HAPLN3: variants seen among roughly 807,000 people sequenced by gnomAD.
The protein encoded by HAPLN3 is hyaluronan and proteoglycan link protein 3, also known as extracellular link domain containing, 1.
In HAPLN3, 28 loss-of-function variants were observed where a neutral mutation model predicts 28.1. The observed-to-expected ratio is 1.00, with a 90% CI of 0.74 to 1.37. The LOEUF (loss-of-function observed/expected upper bound fraction) is 1.37, where lower values mean the gene tolerates loss of function less well. Among genes scored for constraint, HAPLN3 ranks in the 40% most tolerant of loss-of-function variants. The pLI, the probability that HAPLN3 is intolerant of heterozygous loss-of-function variation, is 0.00. For missense variants in HAPLN3, 513 were observed against 504.6 expected (o/e 1.02, Z -0.16); for synonymous variants, 211 against 213.1 (o/e 0.99, Z 0.09).
intron 2 of HAPLN3, among the ~76,000 whole-genome samples, chr15:88,882,578 G>A (rs1002170523): frequency 1.3e-5 from 2 of 152,170 alleles, no homozygotes; most frequent in Non-Finnish European, 2.9e-5. Context: ...AATACACACA[G>A]AACTCAACAT....
At chr15:88,882,437 C>T (rs771753002) in intron 2 of HAPLN3, among the ~76,000 whole-genome samples, 7 of 152,190 alleles carry the variant, frequency 4.6e-5, no homozygotes, top group Non-Finnish European at 1.0e-4. Context: ...CCACACTGGC[C>T]AGAGGACAGC....
chr15:88,885,439 C>T (rs1489234050), intron 2 of HAPLN3, among the ~76,000 whole-genome samples: 1 of 149,344 alleles, frequency 6.7e-6, no homozygotes, highest in Non-Finnish European at 1.5e-5. Context: ...CCACACCCGG[C>T]TAATTTTTTG....
intron 2 of HAPLN3, among the ~76,000 whole-genome samples, chr15:88,883,515 A>G (rs1312905768): frequency 1.3e-5 from 2 of 152,230 alleles, no homozygotes; most frequent in African/African-American, 4.8e-5. Flanking sequence ...TGTCCAATAA[A>G]TATGAAGCAG....
At position 88,879,442 on chromosome 15, in the gene HAPLN3, C is replaced by T. The variant is rs1447386688; in HGVS notation, c.494-173G>A. 3 of 1,534,380 alleles carry T rather than the reference C, an allele frequency of 2.0e-6. No homozygotes were observed. Among genetic ancestry groups the T allele is most frequent in the Non-Finnish European group, 2.6e-6 (3 of 1,146,542 alleles). On this transcript the variant is annotated intron_variant, in intron 3 of 4. Coordinates refer to ENST00000359595, the MANE Select transcript of HAPLN3 (RefSeq NM_178232.4). The surrounding 1 kb of genome is among the most constrained non-coding windows in gnomAD (Gnocchi z 5.0). The stretch of plus-strand genomic sequence containing the variant: ...CCTCCTGTCCGTTGCCGCCTCTCTC[C>T]TGGGACTCAGCTGGTTCACAGCAGT...
rs1181415451 is a variant in HAPLN3 at position 88,879,142 on chromosome 15, C to T, written c.621G>A (p.Glu207=). 1.2e-6 allele frequency: 2 copies of T among 1,613,658 alleles called. No individual in the cohort carries two copies. Among genetic ancestry groups the T allele is most frequent in the African/African-American group, 2.7e-5 (2 of 74,952 alleles). Residue 207 remains glutamate, a synonymous_variant, in exon 4 of 5, where the codon GAG becomes GAA. Transcript: ENST00000359595. This position sits in a 1 kb window ranked among gnomAD's most constrained non-coding sequence, Gnocchi z 5.0. ...AGCCCGCGTTGCACCAGTCCAGGCC[C>T]TCCTCCCAGGCCCGGAAGAGCTGCT... ...SFEQLFRAWE[E]GLDWCNAGWL...
Position 88,887,346 on chromosome 15 carries a change from C to T in HAPLN3, c.-47-1G>A, listed in dbSNP as rs1567204936. Reference sequence around the variant, plus strand: ...GGCCAGGCTGGGGCCCCAGGGCAAACTGGGAAGGGGAGGAAAACAAGGCAA... The same window carrying T: ...GGCCAGGCTGGGGCCCCAGGGCAAATTGGGAAGGGGAGGAAAACAAGGCAA... On this transcript the variant is annotated splice_acceptor_variant, in intron 1 of 4. Coordinates refer to ENST00000359595, the MANE Select transcript of HAPLN3 (RefSeq NM_178232.4). LOFTEE classifies it low-confidence loss of function (5UTR_SPLICE). The T allele has an allele frequency of 1.2e-6, 2 of 1,609,138 alleles. No homozygotes were observed. Among genetic ancestry groups the T allele is most frequent in the Non-Finnish European group, 1.7e-6 (2 of 1,177,760 alleles).
rs967554702 is a variant in HAPLN3, at chr15:88,879,880, T to C, written c.494-611A>G. The C allele has an allele frequency of 7.9e-6, 8 of 1,016,806 alleles. No homozygotes were observed. Among genetic ancestry groups the C allele is most frequent in the Middle Eastern group, 4.9e-4 (1 of 2,028 alleles). 63.0% of individuals were successfully genotyped at this position (1,016,806 alleles called of 1,614,324 possible). On this transcript the variant is annotated intron_variant, in intron 3 of 4. Coordinates refer to ENST00000359595, the MANE Select transcript of HAPLN3 (RefSeq NM_178232.4). The surrounding 1 kb of genome is among the most constrained non-coding windows in gnomAD (Gnocchi z 5.0). ...AGAGGCCACAGGCCCTGAAAAGATA[T>C]GTTCGTGTTTGAAATTTTACTCTAA...
chr15:88,890,474 C>T (rs895850368), intron 1 of HAPLN3, among the ~76,000 whole-genome samples: 11 of 152,160 alleles, frequency 7.2e-5, no homozygotes, highest in African/African-American at 2.4e-4. Context: ...CAAGTTTCCT[C>T]GGTTGCGAAA....
chr15:88,889,564 C>T (rs8040399), intron 1 of HAPLN3, among the ~76,000 whole-genome samples: 11 of 151,938 alleles, frequency 7.2e-5, no homozygotes, highest in Admixed American at 6.5e-4. Flanking sequence ...TCGAACTCCT[C>T]GCCTCGAGTG....
intron 1 of HAPLN3, among the ~76,000 whole-genome samples, chr15:88,887,856 G>A (rs1897906784): frequency 2.0e-5 from 3 of 151,882 alleles, no homozygotes; most frequent in South Asian, 2.1e-4. Context: ...CCAGCTACTC[G>A]GGAGGCTGAG....
intron 2 of HAPLN3, among the ~76,000 whole-genome samples, chr15:88,883,208 T>A (rs1897754337): frequency 6.6e-6 from 1 of 152,156 alleles, no homozygotes; most frequent in Admixed American, 6.5e-5. Context: ...CAGGAATTTG[T>A]CAGAAATGCA....
chr15:88,882,112 A>G (rs1304147075), intron 2 of HAPLN3, among the ~76,000 whole-genome samples: 1 of 152,096 alleles, frequency 6.6e-6, no homozygotes, highest in African/African-American at 2.4e-5. Flanking sequence ...ATGAGAGAAT[A>G]CACAGAACAG....
chr15:88,883,861 T>C (rs1897772650), intron 2 of HAPLN3, among the ~76,000 whole-genome samples: 2 of 151,084 alleles, frequency 1.3e-5, no homozygotes, highest in South Asian at 4.2e-4. Context: ...GCAGATCACT[T>C]GAGGCCACGA....
chr15:88,895,092 G>A lies in HAPLN3; in HGVS notation c.-48+367C>T, dbSNP rs1159430188. On this transcript the variant is annotated intron_variant, in intron 1 of 4. Transcript: ENST00000359595. This position sits in a 1 kb window ranked among gnomAD's most constrained non-coding sequence, Gnocchi z 5.5. ...GGCCTGGGGCGCCGCGGACGGCACT[G>A]GAGGCAGCCGACCCTGGACAGACGA... Among the ~76,000 whole-genome samples the A allele has an allele frequency of 6.6e-6, 1 of 152,250 alleles. No individual in the cohort carries two copies. The highest frequency in any genetic ancestry group is 1.5e-5 in the Non-Finnish European group (1 of 68,042).
intron 2 of HAPLN3, among the ~76,000 whole-genome samples, chr15:88,885,141 G>T (rs1897814153): frequency 6.6e-6 from 1 of 152,264 alleles, no homozygotes; most frequent in South Asian, 2.1e-4. Flanking sequence ...AGAGGGAAAG[G>T]TGAGAAACAC....
At chr15:88,878,316 G>A in intron 4 of HAPLN3, 60 bp from the exon 5 acceptor site, 2 of 1,489,066 alleles carry the variant, frequency 1.3e-6, no homozygotes, top group Non-Finnish European at 1.8e-6. Context: ...AGCACAGCGG[G>A]GTCTGCAGAG....
chr15:88,877,814 C>G lies in HAPLN3; in HGVS notation c.*156G>C, dbSNP rs1054150908. On this transcript the variant is annotated 3_prime_UTR_variant, in exon 5 of 5. Coordinates refer to ENST00000359595, the MANE Select transcript of HAPLN3 (RefSeq NM_178232.4). This position sits in a 1 kb window ranked among gnomAD's most constrained non-coding sequence, Gnocchi z 5.1. Reference sequence around the variant, plus strand: ...CAGGAGCAAAGGGAGGCATTGGGTTCTGTTTGCTTTACAAAAAATAGTAAA... The same window carrying G: ...CAGGAGCAAAGGGAGGCATTGGGTTGTGTTTGCTTTACAAAAAATAGTAAA... 4 of 743,142 alleles carry G rather than the reference C, an allele frequency of 5.4e-6. No individual in the cohort carries two copies. Among genetic ancestry groups the G allele is most frequent in the Middle Eastern group, 7.8e-4 (2 of 2,574 alleles). 46.0% of individuals were successfully genotyped at this position (743,142 alleles called of 1,614,324 possible).
In HAPLN3 at chr15:88,877,812, TTC is replaced by T. The variant is rs1863452110; in HGVS notation, c.*156_*157del. 1 of 727,948 alleles carries T rather than the reference TTC, an allele frequency of 1.4e-6. No individual in the cohort carries two copies. The highest frequency in any genetic ancestry group is 1.8e-5 in the African/African-American group (1 of 56,146). 45.1% of individuals were successfully genotyped at this position (727,948 alleles called of 1,614,324 possible). On this transcript the variant is annotated 3_prime_UTR_variant, in exon 5 of 5. Transcript: ENST00000359595. The surrounding 1 kb of genome is among the most constrained non-coding windows in gnomAD (Gnocchi z 5.1). Reference sequence around the variant, plus strand: ...TCCAGGAGCAAAGGGAGGCATTGGGTTCTGTTTGCTTTACAAAAAATAGTAAA... The same window carrying T: ...TCCAGGAGCAAAGGGAGGCATTGGGTTGTTTGCTTTACAAAAAATAGTAAA...
rs549061358 is a variant in HAPLN3, at chr15:88,879,418, C to T, written c.494-149G>A. On this transcript the variant is annotated intron_variant, in intron 3 of 4. Transcript: ENST00000359595. This position sits in a 1 kb window ranked among gnomAD's most constrained non-coding sequence, Gnocchi z 5.0. ...CAGAAAAACTCAGCAAACCTCTGAC[C>T]TCCTGTCCGTTGCCGCCTCTCTCCT... 65 of 1,536,178 alleles carry T rather than the reference C, an allele frequency of 4.2e-5. No individual in the cohort carries two copies. The East Asian group carries it at 9.8e-4, about 23-fold the overall frequency.
Sources: allele counts gnomAD v4.1 joint callset (sites outside exome capture counted in the v4.1 genomes callset), GRCh38; gene constraint gnomAD v4.1.1; non-coding constraint Gnocchi (gnomAD v3.1); transcripts MANE v1.5; gene names NCBI Gene and HGNC (gene_info 2026-07-23, HGNC 2026-07-21).